Variants in MYBBP1A observed in about 807,000 individuals in gnomAD.
MYBBP1A encodes the protein MYB binding protein 1a.
In MYBBP1A, 147 loss-of-function variants were observed where a neutral mutation model predicts 136.3. The observed-to-expected ratio is 1.08, with a 90% CI of 0.94 to 1.24. MYBBP1A has a LOEUF of 1.24. Ranked by LOEUF, MYBBP1A falls within the 50% of genes most tolerant of loss-of-function variation. The pLI, the probability that MYBBP1A is intolerant of heterozygous loss-of-function variation, is 0.00. For missense variants in MYBBP1A, 2,060 were observed against 1,727.4 expected, an observed-to-expected ratio of 1.19 and a Z score of -3.41; for synonymous variants, 947 against 735.8, an observed-to-expected ratio of 1.29 and a Z score of -4.65.
chr17:4,546,826 G>A (rs1206795742), intron 13 of MYBBP1A, among the ~76,000 whole-genome samples: 1 of 152,012 alleles, frequency 6.6e-6, no homozygotes, highest in Non-Finnish European at 1.5e-5. Context: ...GCCAGGGTGG[G>A]ACAAAGCAGC....
Position 4,544,653 on chromosome 17 carries a change from C to T in MYBBP1A, c.2482-7G>A, listed in dbSNP as rs1404733929. 8 of 1,566,054 alleles carry T rather than the reference C, an allele frequency of 5.1e-6. No individual in the cohort carries two copies. Among genetic ancestry groups the T allele is most frequent in the Non-Finnish European group, 6.1e-6 (7 of 1,154,904 alleles). On this transcript the variant is annotated splice_polypyrimidine_tract_variant and splice_region_variant and intron_variant, in intron 18 of 25. Coordinates refer to ENST00000254718, the MANE Select transcript of MYBBP1A (RefSeq NM_014520.4). ...CCTCCACCAGGTCCAGCACCTGCAG[C>T]CAGGAGGGCAGGTCAGCAACACGGG...
chr17:4,542,823 A>C, intron 20 of MYBBP1A, 82 bp from the exon 21 acceptor site: 1 of 1,601,106 alleles, frequency 6.2e-7, no homozygotes. Flanking sequence ...CCTTCATCAG[A>C]AGGCTGAGGG....
chr17:4,551,983 C>T lies in MYBBP1A; in HGVS notation c.920G>A (p.Arg307His), dbSNP rs141034648. ...CAGGGGCAGGGCCGCGCCCAGCAGG[C>T]GGAAACACAGGTAGCTAAAGGGGGT... is the stretch of plus-strand genomic sequence containing the variant. ...QFWPASYLCF[R>H]LLGAALPLLT... Residue 307 changes from arginine to histidine, a missense_variant, in exon 8 of 26, where the codon CGC becomes CAC. Transcript: ENST00000254718. 146 of 1,609,192 alleles carry T rather than the reference C, an allele frequency of 9.1e-5. No homozygotes were observed. In the African/African-American group the frequency reaches 1.1e-3, roughly 13 times the overall value.
rs543970531 is a variant in MYBBP1A at position 4,548,436 on chromosome 17, G to A, written c.1556+88C>T. On this transcript the variant is annotated intron_variant, in intron 11 of 25. Coordinates refer to ENST00000254718, the MANE Select transcript of MYBBP1A (RefSeq NM_014520.4). The surrounding 1 kb of genome is among the most constrained non-coding windows in gnomAD (Gnocchi z 4.2). ...TACTAGAACTCCGGGGGCCTCTGCC[G>A]TTGTTCCCAGCTTAGGGGACCTGGA... 347 of 1,608,226 alleles carry A rather than the reference G, an allele frequency of 2.2e-4. 2 individuals carry two copies. The African/African-American group carries it at 3.9e-3, about 18-fold the overall frequency.
Position 4,540,331 on chromosome 17 carries a change from C to T in MYBBP1A, c.3434+17G>A. 6.3e-7 allele frequency: 1 copy of T among 1,589,682 alleles called. No homozygotes were observed. The highest frequency in any genetic ancestry group is 8.5e-7 in the Non-Finnish European group (1 of 1,171,274). On this transcript the variant is annotated intron_variant, in intron 25 of 25. Transcript: ENST00000254718. ...CCAGCCCCTACCCAAGGTGTGTGTC[C>T]CCCTCCCAGAACCTACTGGACTCCC...
rs779679596 is a variant in MYBBP1A, at chr17:4,544,790, C to T, written c.2442G>A (p.Leu814=). 2 of 1,597,510 alleles carry T rather than the reference C, an allele frequency of 1.3e-6. No individual in the cohort carries two copies. Among genetic ancestry groups the T allele is most frequent in the Admixed American group, 1.7e-5 (1 of 58,558 alleles). The part of the protein sequence containing the change: ...IQARRDEKNK[L]QKEKALRRDF... The stretch of plus-strand genomic sequence containing the variant: ...CGCGCCGCAGAGCCTTCTCCTTCTG[C>T]AGCTTGTTCTTCTCGTCTCGCCGGG... The change falls in exon 18 of 26, where the codon CTG becomes CTA. Residue 814 remains leucine (L), a synonymous_variant. Transcript: ENST00000254718.
At chr17:4,544,431 C>T in intron 19 of MYBBP1A, 58 bp downstream of exon 19, 2 of 1,535,356 alleles carry the variant, frequency 1.3e-6, no homozygotes, top group South Asian at 1.2e-5. Context: ...AGAGCTCTGG[C>T]TCTCCTGCGC....
At chr17:4,544,712 A>G (rs1597381288) in intron 18 of MYBBP1A, 39 bp downstream of exon 18, 1 of 642,992 alleles carries the variant, frequency 1.6e-6, no homozygotes, top group Non-Finnish European at 2.1e-6. Context: ...GTGGGCGCAC[A>G]GGGAGGCGGG....
intron 13 of MYBBP1A, among the ~76,000 whole-genome samples, chr17:4,546,715 T>C (rs1265939407): frequency 1.3e-5 from 2 of 152,210 alleles, no homozygotes; most frequent in Non-Finnish European, 2.9e-5. Flanking sequence ...TGGCGTGGTG[T>C]GCGCATGTGC....
chr17:4,544,308 G>T (rs1340484303), intron 19 of MYBBP1A, among the ~76,000 whole-genome samples, 181 bp downstream of exon 19: 1 of 151,912 alleles, frequency 6.6e-6, no homozygotes, highest in Non-Finnish European at 1.5e-5. Context: ...GATGAAGCAA[G>T]GACTGTGGGA....
chr17:4,542,350 G>A, intron 22 of MYBBP1A, 114 bp downstream of exon 22: 8 of 1,220,958 alleles, frequency 6.6e-6, no homozygotes, highest in Non-Finnish European at 8.1e-6. Context: ...GGCAGGGACA[G>A]CTGTGCCCGT....
chr17:4,546,499 C>A (rs1174455462), intron 13 of MYBBP1A, among the ~76,000 whole-genome samples: 1 of 152,140 alleles, frequency 6.6e-6, no homozygotes, highest in East Asian at 1.9e-4. Context: ...GTCCAACTCC[C>A]CCTTGGACAC....
chr17:4,545,903 T>A lies in MYBBP1A; in HGVS notation c.1864A>T (p.Thr622Ser). Residue 622 changes from threonine to serine, a missense_variant, in exon 14 of 26, where the codon ACC (threonine) becomes TCC (serine). Thr to Ser is a moderately conservative substitution (Grantham distance 58). Coordinates refer to ENST00000254718, the MANE Select transcript of MYBBP1A (RefSeq NM_014520.4). ...TCTCCCAGACTTTTCCTGATGCAGG[T>A]CTGGATGTCACCCAGCAGGTCACAG... ...ESCDLLGDIQ[T>S]CIRKSLGEKP... 1 of 1,613,282 alleles carries A rather than the reference T, an allele frequency of 6.2e-7. No individual in the cohort carries two copies. Among genetic ancestry groups the A allele is most frequent in the Non-Finnish European group, 8.5e-7 (1 of 1,179,976 alleles).
In MYBBP1A at chr17:4,552,610, A is replaced by C; in HGVS notation, c.578T>G (p.Leu193Trp). 6.2e-7 allele frequency: 1 copy of C among 1,613,520 alleles called. No individual in the cohort carries two copies. Among genetic ancestry groups the C allele is most frequent in the Non-Finnish European group, 8.5e-7 (1 of 1,179,784 alleles). ...DILSEVSKATLQEILPEVLKA... is the reference protein window; with the variant it reads ...DILSEVSKATWQEILPEVLKA... ...GAGGACCTCCGGCAGGATCTCCTGC[A>C]ATGTGGCCTTCGAGACCTAAGGATG... The change falls in exon 6 of 26, where the codon TTG becomes TGG. Residue 193 changes from leucine to tryptophan, a missense_variant. Leu to Trp is a moderately conservative substitution (Grantham distance 61). Transcript: ENST00000254718. The surrounding 1 kb of genome is among the most constrained non-coding windows in gnomAD (Gnocchi z 4.7).
chr17:4,542,039 C>T (rs1211985263), intron 22 of MYBBP1A, 148 bp from the exon 23 acceptor site: 1 of 635,034 alleles, frequency 1.6e-6, no homozygotes, highest in African/African-American at 1.8e-5. Context: ...ACTACCTGCT[C>T]CTGTGCCTTT....
At position 4,548,707 on chromosome 17, in the gene MYBBP1A, C is replaced by T. The variant is rs2144482147; in HGVS notation, c.1431-58G>A. The T allele has an allele frequency of 6.2e-7, 1 of 1,607,870 alleles. No individual in the cohort carries two copies. Among genetic ancestry groups the T allele is most frequent in the East Asian group, 2.2e-5 (1 of 44,808 alleles). On this transcript the variant is annotated intron_variant, in intron 10 of 25. Coordinates refer to ENST00000254718, the MANE Select transcript of MYBBP1A (RefSeq NM_014520.4). This position sits in a 1 kb window ranked among gnomAD's most constrained non-coding sequence, Gnocchi z 4.2. ...CACTGCCATTGGTTTTTACAGGCTC[C>T]CCTCCTTGGATGGTACCACCGAGGG...
At chr17:4,543,556 G>C (rs1192566298) in intron 19 of MYBBP1A, among the ~76,000 whole-genome samples, 1 of 152,084 alleles carries the variant, frequency 6.6e-6, no homozygotes, top group Non-Finnish European at 1.5e-5. Flanking sequence ...GGATATAATG[G>C]GGGCAAGAGG....
Position 4,548,741 on chromosome 17 carries a change from C to CAGG in MYBBP1A, c.1431-95_1431-93dup, listed in dbSNP as rs918409742. On this transcript the variant is annotated intron_variant, in intron 10 of 25. Coordinates refer to ENST00000254718, the MANE Select transcript of MYBBP1A (RefSeq NM_014520.4). The surrounding 1 kb of genome is among the most constrained non-coding windows in gnomAD (Gnocchi z 4.2). The stretch of plus-strand genomic sequence containing the variant: ...GATGGTACCACCGAGGGTACAAGGC[C>CAGG]AGGAGGAGGAGGAGCCGCCCTTCTG... 1.3e-6 allele frequency: 2 copies of CAGG among 1,555,704 alleles called. No individual in the cohort carries two copies. Among genetic ancestry groups the CAGG allele is most frequent in the South Asian group, 1.2e-5 (1 of 84,134 alleles).
rs1907186857 is a variant in MYBBP1A at position 4,548,329 on chromosome 17, T to C, written c.1557-19A>G. 1 of 1,610,216 alleles carries C rather than the reference T, an allele frequency of 6.2e-7. No homozygotes were observed. The highest frequency in any genetic ancestry group is 1.3e-5 in the African/African-American group (1 of 74,900). On this transcript the variant is annotated intron_variant, in intron 11 of 25. Coordinates refer to ENST00000254718, the MANE Select transcript of MYBBP1A (RefSeq NM_014520.4). This position sits in a 1 kb window ranked among gnomAD's most constrained non-coding sequence, Gnocchi z 4.2. Reference sequence around the variant, plus strand: ...CAACAGACTGGGCAAGGGATGGGGCTTGGGGTCAGCAGACCAGATGAGTCA... The same window carrying C: ...CAACAGACTGGGCAAGGGATGGGGCCTGGGGTCAGCAGACCAGATGAGTCA...
Sources: gnomAD v4.1 joint callset for allele counts (sites outside exome capture counted in the v4.1 genomes callset) on GRCh38, gnomAD v4.1.1 for gene constraint, Gnocchi (gnomAD v3.1) non-coding constraint, MANE v1.5 for transcripts, NCBI Gene and HGNC (gene_info 2026-07-23, HGNC 2026-07-21) for gene names.